XIRP2: variants seen among roughly 807,000 people sequenced by gnomAD.
XIRP2 encodes xin actin-binding repeat-containing protein 2.
In XIRP2, 236 loss-of-function variants were observed where a neutral mutation model predicts 277.0. The ratio of observed to expected loss-of-function variants is 0.85; its 90% CI spans 0.77 to 0.95. The LOEUF is 0.95. Ranked by LOEUF, XIRP2 falls within the 40% of genes least tolerant of loss-of-function variation. The pLI is 0.00. For synonymous variants in XIRP2, 1,490 were observed against 1,416.5 expected, an observed-to-expected ratio of 1.05 and a Z score of -1.17; for missense variants, 4,640 against 4,157.5, an observed-to-expected ratio of 1.12 and a Z score of -3.19.
intron 2 of XIRP2, among the ~76,000 whole-genome samples, chr2:167,041,639 T>C (rs761852467): frequency 1.3e-5 from 2 of 150,818 alleles, no homozygotes; most frequent in African/African-American, 2.4e-5. Context: ...AAAATAACTT[T>C]TAAAAAATGA....
intron 4 of XIRP2, among the ~76,000 whole-genome samples, chr2:167,211,514 A>G (rs1198784309): frequency 2.0e-5 from 3 of 152,230 alleles, no homozygotes; most frequent in Non-Finnish European, 4.4e-5. Context: ...TGTAAGCCAT[A>G]AGGCGCTGTA....
At chr2:167,029,596 G>A (rs764221566) in intron 2 of XIRP2, among the ~76,000 whole-genome samples, 2 of 152,064 alleles carry the variant, frequency 1.3e-5, no homozygotes, top group Admixed American at 6.6e-5. Flanking sequence ...TGTGCTGCTG[G>A]AATCAGTTTG....
At chr2:167,240,259 A>C (rs1559035562) in intron 6 of XIRP2, among the ~76,000 whole-genome samples, 2 of 152,018 alleles carry the variant, frequency 1.3e-5, no homozygotes, top group Non-Finnish European at 2.9e-5. Context: ...TAAAAATACA[A>C]AAAAAGTTAG....
chr2:167,059,836 A>G (rs997366398), intron 2 of XIRP2, among the ~76,000 whole-genome samples: 1 of 152,356 alleles, frequency 6.6e-6, no homozygotes, highest in Non-Finnish European at 1.5e-5. Context: ...TCAATGCGAC[A>G]TCAGCAAGCA....
chr2:167,223,755 G>T (rs1471565289), intron 5 of XIRP2, among the ~76,000 whole-genome samples: 1 of 152,090 alleles, frequency 6.6e-6, no homozygotes, highest in Non-Finnish European at 1.5e-5. Flanking sequence ...CAACATACAA[G>T]GTTGTGACCA....
At chr2:166,913,299 C>A (rs540841156) in intron 2 of XIRP2, among the ~76,000 whole-genome samples, 1 of 114,396 alleles carries the variant, frequency 8.7e-6, no homozygotes, top group African/African-American at 2.9e-5. Flanking sequence ...TAAGCCTCAG[C>A]AATGGTGGGC....
At chr2:166,927,050 C>T (rs1037707214) in intron 2 of XIRP2, among the ~76,000 whole-genome samples, 1 of 152,026 alleles carries the variant, frequency 6.6e-6, no homozygotes, top group African/African-American at 2.4e-5. Context: ...AAATGCTTTC[C>T]TATATAATAT....
At chr2:167,126,556 T>G (rs1691212798) in intron 2 of XIRP2, among the ~76,000 whole-genome samples, 1 of 152,166 alleles carries the variant, frequency 6.6e-6, no homozygotes. Context: ...ATGAAAAGCC[T>G]AAGGCTAAGG....
At chr2:167,147,854 A>T (rs1440559651) in intron 3 of XIRP2, among the ~76,000 whole-genome samples, 1 of 152,182 alleles carries the variant, frequency 6.6e-6, no homozygotes, top group Non-Finnish European at 1.5e-5. Context: ...GGGGATTTAA[A>T]ACAAATTGGA....
chr2:167,071,965 T>A (rs577487187), intron 2 of XIRP2, among the ~76,000 whole-genome samples: 1 of 152,262 alleles, frequency 6.6e-6, no homozygotes, highest in South Asian at 2.1e-4. Context: ...CTCATAAATA[T>A]TTGTGAGACA....
intron 3 of XIRP2, among the ~76,000 whole-genome samples, chr2:167,157,920 C>CTAG (rs1692247053): frequency 6.6e-6 from 1 of 151,792 alleles, no homozygotes; most frequent in Non-Finnish European, 1.5e-5. Context: ...GTAGGAGAGA[C>CTAG]TATTAAGAGT....
At chr2:167,061,784 C>A (rs1425933646) in intron 2 of XIRP2, among the ~76,000 whole-genome samples, 2 of 151,988 alleles carry the variant, frequency 1.3e-5, no homozygotes, top group Non-Finnish European at 2.9e-5. Flanking sequence ...TTGCCGGCAA[C>A]CACCGAAAGC....
At chr2:166,970,881 CATAA>C (rs1016455080) in intron 2 of XIRP2, among the ~76,000 whole-genome samples, 4 of 151,698 alleles carry the variant, frequency 2.6e-5, no homozygotes, top group Non-Finnish European at 4.4e-5. Flanking sequence ...ATGAAAACAA[CATAA>C]ATAAATGAAT....
At chr2:167,003,982 G>A (rs939893588) in intron 2 of XIRP2, among the ~76,000 whole-genome samples, 5 of 151,600 alleles carry the variant, frequency 3.3e-5, no homozygotes, top group African/African-American at 4.8e-5. Context: ...TTAAATTATC[G>A]AGTTAAAATA....
chr2:166,931,080 C>T (rs1183643686), intron 2 of XIRP2, among the ~76,000 whole-genome samples: 1 of 151,854 alleles, frequency 6.6e-6, no homozygotes, highest in South Asian at 2.1e-4. Context: ...ATGAAGAGAA[C>T]TAAAATTCAG....
rs766154976 is a variant in XIRP2, at chr2:167,210,903, G to A, written c.723+8G>A. On this transcript the variant is annotated splice_region_variant and intron_variant, in intron 4 of 10. Transcript: ENST00000409195. ...CGCAGCTTCTCTGCTAATGTAAGCT[G>A]CTCCTAATGGTTTTGCACTAGGCAA... 2 of 1,613,788 alleles carry A rather than the reference G, an allele frequency of 1.2e-6. No homozygotes were observed. The highest frequency in any genetic ancestry group is 2.2e-5 in the South Asian group (2 of 91,072).
intron 3 of XIRP2, among the ~76,000 whole-genome samples, chr2:167,180,870 G>C (rs1444145716): frequency 4.6e-5 from 7 of 152,134 alleles, no homozygotes; most frequent in Admixed American, 4.6e-4. Context: ...CTTGGATCCT[G>C]TAATTTCTCC....
intron 10 of XIRP2, 101 bp downstream of exon 10, chr2:167,254,266 C>A: frequency 7.7e-7 from 1 of 1,301,660 alleles, no homozygotes; most frequent in Non-Finnish European, 1.0e-6. Flanking sequence ...GATCTTGTTG[C>A]TGCGTCAGTT....
At chr2:167,221,221 C>G (rs566871580) in intron 5 of XIRP2, among the ~76,000 whole-genome samples, 2 of 151,960 alleles carry the variant, frequency 1.3e-5, no homozygotes, top group South Asian at 4.2e-4. Context: ...GCCTGTAATC[C>G]CAGCAGTTTG....
Sources: allele counts gnomAD v4.1 joint callset (sites outside exome capture counted in the v4.1 genomes callset), GRCh38; gene constraint gnomAD v4.1.1; transcripts MANE v1.5; gene names NCBI Gene and HGNC (gene_info 2026-07-23, HGNC 2026-07-21).